CCDC62: variants seen among roughly 807,000 people sequenced by gnomAD.
CCDC62 encodes the protein coiled-coil domain containing 62, also known as coiled-coil domain-containing protein 62.
In CCDC62, 72 loss-of-function variants were observed where a neutral mutation model predicts 80.8. That is an observed-to-expected ratio of 0.89 (90% confidence interval 0.74 to 1.08). The LOEUF (loss-of-function observed/expected upper bound fraction) is 1.08. CCDC62 is among the 50% of genes least tolerant of loss of function. The probability of loss-of-function intolerance (pLI) is 0.00; values close to 1 mark genes in which losing one functional copy is unlikely to be tolerated. For synonymous variants in CCDC62, 286 were observed against 296.5 expected, an observed-to-expected ratio of 0.96 and a Z score of 0.36; for missense variants, 704 against 809.4, an observed-to-expected ratio of 0.87 and a Z score of 1.58.
rs1169415317 is a variant in CCDC62, at chr12:122,826,916, G to C, written c.*535G>C. Reference sequence around the variant, plus strand: ...ACTTTGCTGTGTAAATAGACATAAGGTGCTTTGATATAAAATATAAAATGT... The same window carrying C: ...ACTTTGCTGTGTAAATAGACATAAGCTGCTTTGATATAAAATATAAAATGT... On this transcript the variant is annotated 3_prime_UTR_variant, in exon 13 of 13. Transcript: ENST00000253079. 6.5e-6 allele frequency: 1 copy of C among 153,092 alleles called. No homozygotes were observed. The allele number at this position is 153,092 out of a possible 1,614,324, so 9.5% of individuals were successfully genotyped here. A position where few individuals can be genotyped will look rare whatever the true frequency, so the allele number is the denominator to read the frequency against.
In CCDC62 at chr12:122,781,248, C is replaced by T. The variant is rs773072646; in HGVS notation, c.314C>T (p.Thr105Ile). Residue 105 changes from threonine (T) to isoleucine (I), a missense_variant, in exon 3 of 13, where the codon ACA becomes ATA. Thr to Ile is a moderately conservative substitution (Grantham distance 89). Transcript: ENST00000253079. Reference protein sequence around the residue: ...ALESNQMECQTALQKTQLQLQ... With the variant: ...ALESNQMECQIALQKTQLQLQ... Reference sequence around the variant, plus strand: ...GAATCCAATCAAATGGAATGCCAAACAGCTCTCCAAAAGACCCAACTACAG... The same window carrying T: ...GAATCCAATCAAATGGAATGCCAAATAGCTCTCCAAAAGACCCAACTACAG... 3 of 1,613,846 alleles carry T rather than the reference C, an allele frequency of 1.9e-6. No individual in the cohort carries two copies. The highest frequency in any genetic ancestry group is 2.5e-6 in the Non-Finnish European group (3 of 1,179,732).
intron 10 of CCDC62, among the ~76,000 whole-genome samples, chr12:122,812,775 GAGAGAAAGAA>G (rs1304203644): frequency 2.5e-4 from 19 of 74,532 alleles, no homozygotes; most frequent in East Asian, 1.2e-3. Flanking sequence ...GAGAGAGAGA[GAGAGAAAGAA>G]AGAAAGAAAG....
intron 12 of CCDC62, among the ~76,000 whole-genome samples, chr12:122,824,428 C>CAA (rs35826147): frequency 6.6e-6 from 1 of 151,872 alleles, no homozygotes; most frequent in South Asian, 2.1e-4. Context: ...AACAAACAAA[C>CAA]AAAAAACCAA....
chr12:122,795,309 C>A (rs983909831), intron 6 of CCDC62, among the ~76,000 whole-genome samples: 1 of 152,120 alleles, frequency 6.6e-6, no homozygotes, highest in African/African-American at 2.4e-5. Context: ...CCTCGGCCTC[C>A]CAAAGTGTTA....
chr12:122,780,171 CATG>C (rs1392471365), intron 2 of CCDC62, among the ~76,000 whole-genome samples: 1 of 146,420 alleles, frequency 6.8e-6, no homozygotes, highest in East Asian at 2.1e-4. Flanking sequence ...AATAGCCAGA[CATG>C]GTGGTGCTCG....
At chr12:122,811,628 T>C (rs2135577347) in intron 10 of CCDC62, among the ~76,000 whole-genome samples, 2 of 150,694 alleles carry the variant, frequency 1.3e-5, no homozygotes, top group Admixed American at 1.3e-4. Context: ...GAGACCATCC[T>C]GACCAACATG....
intron 10 of CCDC62, among the ~76,000 whole-genome samples, chr12:122,810,187 A>T (rs910586513): frequency 1.3e-5 from 2 of 152,140 alleles, no homozygotes; most frequent in African/African-American, 4.8e-5. Flanking sequence ...ATTAAACTAA[A>T]GAGCTTCTGC....
At chr12:122,798,343 C>T (rs1027401386) in intron 8 of CCDC62, 143 bp downstream of exon 8, 4 of 580,502 alleles carry the variant, frequency 6.9e-6, no homozygotes, top group Non-Finnish European at 1.2e-5. Context: ...TGCCTCACAC[C>T]TGTAATCCCA....
At chr12:122,784,785 T>C (rs1288565223) in intron 3 of CCDC62, among the ~76,000 whole-genome samples, 1 of 151,396 alleles carries the variant, frequency 6.6e-6, no homozygotes, top group East Asian at 2.0e-4. Flanking sequence ...CTATGAGCTA[T>C]GAGTGCACCA....
At chr12:122,799,897 C>T (rs2031190074) in intron 8 of CCDC62, among the ~76,000 whole-genome samples, 1 of 152,194 alleles carries the variant, frequency 6.6e-6, no homozygotes, top group African/African-American at 2.4e-5. Context: ...GGGGTTGTGG[C>T]CTGTGGCTCT....
At chr12:122,797,667 A>G (rs1428074480) in intron 7 of CCDC62, among the ~76,000 whole-genome samples, 1 of 152,076 alleles carries the variant, frequency 6.6e-6, no homozygotes, top group African/African-American at 2.4e-5. Flanking sequence ...CAGCCTCCCA[A>G]GTAGCTGGGA....
intron 9 of CCDC62, among the ~76,000 whole-genome samples, chr12:122,805,429 C>T (rs1426439822): frequency 2.7e-5 from 4 of 147,286 alleles, no homozygotes; most frequent in Non-Finnish European, 4.5e-5. Flanking sequence ...CCGCAACCTC[C>T]GCCTCCTGGG....
rs931663764 is a variant in CCDC62, at chr12:122,827,017, C to T, written c.*636C>T. On this transcript the variant is annotated 3_prime_UTR_variant, in exon 13 of 13. Transcript: ENST00000253079. ...TCTTTCTGGGTCTATATTAGTCCCA[C>T]CTACTGACACAAACAAAAGCTTGCT... The T allele has an allele frequency of 2.6e-5, 4 of 152,194 alleles. No homozygotes were observed. Among genetic ancestry groups the T allele is most frequent in the African/African-American group, 9.7e-5 (4 of 41,442 alleles). 9.4% of individuals were successfully genotyped at this position (152,194 alleles called of 1,614,324 possible).
intron 6 of CCDC62, among the ~76,000 whole-genome samples, chr12:122,794,215 A>G (rs912023551): frequency 1.3e-5 from 2 of 152,202 alleles, no homozygotes; most frequent in African/African-American, 4.8e-5. Flanking sequence ...TTTTTATCAT[A>G]TACTAAGCAG....
chr12:122,801,596 G>A lies in CCDC62; in HGVS notation c.1450G>A (p.Val484Ile), dbSNP rs549775391. 5 of 1,614,068 alleles carry A rather than the reference G, an allele frequency of 3.1e-6. No individual in the cohort carries two copies. In the African/African-American group the frequency reaches 4.0e-5, roughly 13 times the overall value. ...PSSKHPEKLD[V>I]ECQDQMERSE... ...TTCAAAACATCCAGAAAAGCTGGAT[G>A]TAGAATGTCAAGATCAGATGGAAAG... is the stretch of plus-strand genomic sequence containing the variant. Residue 484 changes from valine (V) to isoleucine (I), a missense_variant, in exon 9 of 13, where the codon GTA becomes ATA. Transcript: ENST00000253079.
At position 122,774,582 on chromosome 12, in the gene CCDC62, C is replaced by T. The variant is rs2135519377; in HGVS notation, c.-89C>T. 8.7e-6 allele frequency: 9 copies of T among 1,037,604 alleles called. No homozygotes were observed. The South Asian group carries it at 2.0e-4, about 22-fold the overall frequency. The allele number at this position is 1,037,604 out of a possible 1,614,324, so 64.3% of individuals were successfully genotyped here. A position where few individuals can be genotyped will look rare whatever the true frequency, so the allele number is the denominator to read the frequency against. ...GCGCGGGGCCCCGGGGCTCCGGGCTCGCCCCCGCCGCTCGGGGCAGGCGCG... is the reference window on the plus strand; with the variant it reads ...GCGCGGGGCCCCGGGGCTCCGGGCTTGCCCCCGCCGCTCGGGGCAGGCGCG... On this transcript the variant is annotated 5_prime_UTR_variant, in exon 1 of 13. Coordinates refer to ENST00000253079, the MANE Select transcript of CCDC62 (RefSeq NM_201435.5).
intron 10 of CCDC62, among the ~76,000 whole-genome samples, chr12:122,811,598 T>C (rs1486597780): frequency 6.8e-6 from 1 of 147,568 alleles, no homozygotes; most frequent in Non-Finnish European, 1.5e-5. Flanking sequence ...GGAAGGGGGA[T>C]CACCTAAGGT....
At chr12:122,813,554 C>T (rs546411181) in intron 11 of CCDC62, 135 bp downstream of exon 11, 1 of 765,676 alleles carries the variant, frequency 1.3e-6, no homozygotes, top group Admixed American at 3.3e-5. Flanking sequence ...GGAAAGGGAA[C>T]ATGCTTGTTT....
At chr12:122,778,972 A>G (rs1879656771) in intron 2 of CCDC62, among the ~76,000 whole-genome samples, 2 of 152,246 alleles carry the variant, frequency 1.3e-5, no homozygotes, top group Admixed American at 1.3e-4. Context: ...CCACACACGT[A>G]TATACACACA....
Sources: gnomAD v4.1 joint callset for allele counts (sites outside exome capture counted in the v4.1 genomes callset) on GRCh38, gnomAD v4.1.1 for gene constraint, MANE v1.5 for transcripts, NCBI Gene and HGNC (gene_info 2026-07-23, HGNC 2026-07-21) for gene names.